CCNY: variants seen among roughly 807,000 people sequenced by gnomAD.
The protein encoded by CCNY is cyclin-Y.
A neutral mutation model predicts 42.8 loss-of-function variants in CCNY; 19 were observed. The ratio of observed to expected loss-of-function variants is 0.44; its 90% CI spans 0.31 to 0.65. The LOEUF (loss-of-function observed/expected upper bound fraction) is 0.65. CCNY is among the 30% of genes least tolerant of loss of function. The pLI is 0.07. For missense variants in CCNY, 370 were observed against 437.3 expected, an observed-to-expected ratio of 0.85 and a Z score of 1.37; for synonymous variants, 165 against 162.7, an observed-to-expected ratio of 1.01 and a Z score of -0.11.
At chr10:35,437,805 GTT>G (rs1192117489) in intron 1 of CCNY, among the ~76,000 whole-genome samples, 9 of 152,282 alleles carry the variant, frequency 5.9e-5, no homozygotes, top group Middle Eastern at 3.4e-3. Flanking sequence ...TGGAAGCACT[GTT>G]TTACTGTTTC....
chr10:35,558,479 G>A (rs897363332), intron 8 of CCNY, among the ~76,000 whole-genome samples: 2 of 152,148 alleles, frequency 1.3e-5, no homozygotes, highest in African/African-American at 2.4e-5. Flanking sequence ...CCAGAGTCCC[G>A]CTGAGTCCTG....
At chr10:35,470,122 GAT>G (rs930243252) in intron 1 of CCNY, among the ~76,000 whole-genome samples, 11 of 150,702 alleles carry the variant, frequency 7.3e-5, no homozygotes, top group Non-Finnish European at 1.3e-4. Flanking sequence ...GAGAGAGAAA[GAT>G]AGGGCGATGG....
chr10:35,515,483 A>T (rs1241267873), intron 3 of CCNY, among the ~76,000 whole-genome samples: 5 of 152,194 alleles, frequency 3.3e-5, no homozygotes, highest in Non-Finnish European at 7.3e-5. Flanking sequence ...TGAACAGGGC[A>T]TTTGGTCTCT....
intron 2 of CCNY, among the ~76,000 whole-genome samples, chr10:35,248,379 C>A (rs769197859): frequency 6.6e-6 from 1 of 152,164 alleles, no homozygotes; most frequent in African/African-American, 2.4e-5. Flanking sequence ...CGCGGTGGCT[C>A]ACGCCTGTAA....
intron 3 of CCNY, among the ~76,000 whole-genome samples, chr10:35,279,110 G>GTTTTTTTTTTTTTTTTT (rs869276523): frequency 9.7e-6 from 1 of 102,814 alleles, no homozygotes; most frequent in Non-Finnish European, 1.9e-5. Flanking sequence ...AGCTTTCAAT[G>GTTTTTTTTTTTTTTTTT]TTTTTTTTTT....
chr10:35,535,672 C>A (rs1840872487), intron 7 of CCNY, among the ~76,000 whole-genome samples: 1 of 152,138 alleles, frequency 6.6e-6, no homozygotes, highest in Non-Finnish European at 1.5e-5. Context: ...CTGTGCTGAA[C>A]ATGTACAGAA....
At chr10:35,297,772 A>T (rs1357572041) in intron 3 of CCNY, among the ~76,000 whole-genome samples, 1 of 152,194 alleles carries the variant, frequency 6.6e-6, no homozygotes, top group Non-Finnish European at 1.5e-5. Flanking sequence ...ACCTAAGAAT[A>T]CAGCTAACCA....
intron 1 of CCNY, among the ~76,000 whole-genome samples, chr10:35,465,315 CG>C: frequency 6.6e-6 from 1 of 152,260 alleles, no homozygotes; most frequent in Middle Eastern, 3.4e-3. Context: ...GTCCGAGCAC[CG>C]ATAGTTTTAA....
chr10:35,380,572 G>A lies in CCNY; in HGVS notation c.154+43365G>A, dbSNP rs1837160692. 6.6e-5 allele frequency among the ~76,000 whole-genome samples: 10 copies of A among 152,208 alleles called. No individual in the cohort carries two copies. In the South Asian group the frequency reaches 1.7e-3, roughly 25 times the overall value. ...AGTCTCTATATTTCACCCAGATTTA[G>A]TAATTTTAAGATATTGCCCAGGTAC... On this transcript the variant is annotated intron_variant, in intron 1 of 9. Transcript: ENST00000374704.
intron 3 of CCNY, among the ~76,000 whole-genome samples, chr10:35,279,830 A>G (rs1835279542): frequency 6.6e-6 from 1 of 152,196 alleles, no homozygotes; most frequent in Admixed American, 6.5e-5. Context: ...ATTGCCTATG[A>G]TCAAGTTTGA....
rs541137208 is a variant in CCNY at position 35,324,837 on chromosome 10, C to CTA, written c.-9+74215_-9+74216dup. ...TAACAGTCATAAAGGATAAATTAGC[C>CTA]TATATTTATCCTTCATAAAGGATAT... On this transcript the variant is annotated intron_variant, in intron 3 of 11. Coordinates refer to the CCNY transcript ENST00000374706. Among the ~76,000 whole-genome samples the CTA allele has an allele frequency of 3.0e-3, 458 of 152,060 alleles. 17 individuals carry two copies. The highest frequency in any genetic ancestry group is 0.027 in the Admixed American group (420 of 15,282).
At chr10:35,363,057 C>G (rs773692600) in intron 1 of CCNY, among the ~76,000 whole-genome samples, 1 of 144,556 alleles carries the variant, frequency 6.9e-6, no homozygotes, top group East Asian at 2.2e-4. Context: ...ACGCTCCTCA[C>G]TTCCCAGATG....
intron 1 of CCNY, among the ~76,000 whole-genome samples, chr10:35,475,615 C>T (rs1386422286): frequency 6.7e-6 from 1 of 148,702 alleles, no homozygotes; most frequent in African/African-American, 2.6e-5. Context: ...ACCAGGCCTG[C>T]CCTAAAAGAG....
chr10:35,484,936 G>C (rs897177814), intron 2 of CCNY, among the ~76,000 whole-genome samples: 1 of 152,020 alleles, frequency 6.6e-6, no homozygotes, highest in South Asian at 2.1e-4. Context: ...CCTAAGTCAG[G>C]GTTGTTCCAG....
At chr10:35,462,838 C>T (rs1839185016) in intron 1 of CCNY, among the ~76,000 whole-genome samples, 1 of 152,238 alleles carries the variant, frequency 6.6e-6, no homozygotes, top group Admixed American at 6.5e-5. Flanking sequence ...CATTGAGCGC[C>T]TCTGCAGGGT....
chr10:35,263,780 C>G (rs1312751913), intron 3 of CCNY, among the ~76,000 whole-genome samples: 1 of 152,080 alleles, frequency 6.6e-6, no homozygotes, highest in Non-Finnish European at 1.5e-5. Flanking sequence ...CACAGATCAT[C>G]CCATGGCCTA....
At position 35,387,947 on chromosome 10, in the gene CCNY, G is replaced by A. The variant is rs192185498; in HGVS notation, c.154+50740G>A. 9.9e-5 allele frequency among the ~76,000 whole-genome samples: 15 copies of A among 152,158 alleles called. No homozygotes were observed. The East Asian group carries it at 1.7e-3, about 18-fold the overall frequency. On this transcript the variant is annotated intron_variant, in intron 1 of 9. Coordinates refer to ENST00000374704, the MANE Select transcript of CCNY (RefSeq NM_145012.6). The stretch of plus-strand genomic sequence containing the variant: ...CCTTAGTTCTTCTGCCTTTGTGCAC[G>A]TTCACTTACTTGAGATGACTTAGTT...
intron 1 of CCNY, among the ~76,000 whole-genome samples, chr10:35,435,900 G>A (rs2135286984): frequency 6.6e-6 from 1 of 152,310 alleles, no homozygotes; most frequent in African/African-American, 2.4e-5. Context: ...AATTATGATG[G>A]TAGTAGTGAC....
chr10:35,455,765 A>G (rs1484564648), intron 1 of CCNY, among the ~76,000 whole-genome samples: 1 of 151,232 alleles, frequency 6.6e-6, no homozygotes, highest in Admixed American at 6.6e-5. Flanking sequence ...ACAGATCAGA[A>G]AATCTTAGTG....
Sources: allele counts gnomAD v4.1 joint callset (sites outside exome capture counted in the v4.1 genomes callset), GRCh38; gene constraint gnomAD v4.1.1; transcripts MANE v1.5; gene names NCBI Gene and HGNC (gene_info 2026-07-23, HGNC 2026-07-21).